TNS3: variants seen among roughly 807,000 people sequenced by gnomAD.
TNS3 encodes tensin-3.
Under a neutral mutation model 140.9 loss-of-function variants are expected in TNS3, and 45 were observed. That is an observed-to-expected ratio of 0.32 (90% CI 0.25 to 0.41). TNS3 has a LOEUF of 0.41. Among genes scored for constraint, TNS3 ranks in the 10% least tolerant of loss-of-function variants. TNS3 has a pLI of 1.00. For missense variants in TNS3, 1,716 were observed against 1,906.7 expected (o/e 0.90, Z 1.86); for synonymous variants, 815 against 788.4 (o/e 1.03, Z -0.56).
chr7:47,422,960 T>C (rs1465081729), intron 10 of TNS3, among the ~76,000 whole-genome samples: 1 of 152,054 alleles, frequency 6.6e-6, no homozygotes, highest in Non-Finnish European at 1.5e-5. Context: ...GCATTGCATG[T>C]GGGCCCTGTT....
rs140201792 is a variant in TNS3, at chr7:47,337,182, C to T, written c.2650+7573G>A. Among the ~76,000 whole-genome samples, 1,175 of 152,338 alleles carry T rather than the reference C, an allele frequency of 7.7e-3. 14 individuals carry two copies. The highest frequency in any genetic ancestry group is 0.025 in the African/African-American group (1,053 of 41,558). On this transcript the variant is annotated intron_variant, in intron 20 of 30. Coordinates refer to ENST00000311160, the MANE Select transcript of TNS3 (RefSeq NM_022748.12). ...TTTCCATCCACCAGATCCTTTTGCT[C>T]TATTCCTCGGTCATAAATCTCCAGC...
chr7:47,372,290 C>T (rs115788760), intron 16 of TNS3, among the ~76,000 whole-genome samples: 238 of 152,276 alleles, frequency 1.6e-3, no homozygotes, highest in African/African-American at 5.3e-3. Context: ...ACAGATTTCA[C>T]GCTGCTAAGT....
At chr7:47,408,859 G>A (rs531770428) in intron 13 of TNS3, among the ~76,000 whole-genome samples, 4 of 152,066 alleles carry the variant, frequency 2.6e-5, no homozygotes, top group East Asian at 1.9e-4. Context: ...CAACTCACAG[G>A]ACACGTCCAT....
chr7:47,482,866 G>C (rs1047267685), intron 3 of TNS3, among the ~76,000 whole-genome samples: 1 of 152,208 alleles, frequency 6.6e-6, no homozygotes, highest in African/African-American at 2.4e-5. Flanking sequence ...TGACATTCTG[G>C]AAAAGGCAAA....
At position 47,439,434 on chromosome 7, in the gene TNS3, C is replaced by A. The variant is rs1584662980; in HGVS notation, c.150+53G>T. On this transcript the variant is annotated intron_variant, in intron 6 of 30. Coordinates refer to ENST00000311160, the MANE Select transcript of TNS3 (RefSeq NM_022748.12). ...TGTTCTGTGAGTGCCCATCCCTACA[C>A]AGTGCCTGCTGCAGAGCCTGCCCAA... The A allele has an allele frequency of 1.9e-6, 3 of 1,593,248 alleles. No homozygotes were observed. The East Asian group carries it at 6.7e-5, about 36-fold the overall frequency.
intron 3 of TNS3, among the ~76,000 whole-genome samples, chr7:47,483,357 G>C (rs7784280): frequency 0.022 from 3,341 of 152,138 alleles, 69 homozygotes; most frequent in Admixed American, 0.048. Context: ...TTTTAGTAGA[G>C]ATGGGGTTTC....
At chr7:47,355,988 C>A (rs1384838859) in intron 17 of TNS3, among the ~76,000 whole-genome samples, 2 of 152,182 alleles carry the variant, frequency 1.3e-5, no homozygotes, top group Non-Finnish European at 2.9e-5. Context: ...GCCCACTCTG[C>A]CCTGGTGAAA....
chr7:47,431,014 C>T lies in TNS3; in HGVS notation c.325-2638G>A, dbSNP rs576626427. On this transcript the variant is annotated intron_variant, in intron 8 of 30. Coordinates refer to ENST00000311160, the MANE Select transcript of TNS3 (RefSeq NM_022748.12). ...CTGGGATCACAGGCATGAGCCACCG[C>T]GCCTGGCCTCAAGTATCATTTCTGA... Among the ~76,000 whole-genome samples, 7 of 152,150 alleles carry T rather than the reference C, an allele frequency of 4.6e-5. No homozygotes were observed. The East Asian group carries it at 5.8e-4, about 13-fold the overall frequency.
intron 13 of TNS3, among the ~76,000 whole-genome samples, chr7:47,402,061 G>A (rs1027367501): frequency 2.6e-5 from 4 of 152,122 alleles, no homozygotes; most frequent in African/African-American, 4.8e-5. Context: ...GGTATGATCC[G>A]GACCAGCATG....
chr7:47,325,974 G>A (rs1404252648), intron 20 of TNS3, among the ~76,000 whole-genome samples: 3 of 152,138 alleles, frequency 2.0e-5, no homozygotes, highest in African/African-American at 2.4e-5. Context: ...AGAACCATGC[G>A]GATTATCAGA....
Position 47,515,490 on chromosome 7 carries a change from C to T in TNS3, c.-152-8546G>A, listed in dbSNP as rs547313127. ...CATCATTGTCACCATTCATCAACAT[C>T]GTCACCATCACCATCATCATGTCAA... On this transcript the variant is annotated intron_variant, in intron 2 of 30. Coordinates refer to ENST00000311160, the MANE Select transcript of TNS3 (RefSeq NM_022748.12). 1.9e-3 allele frequency among the ~76,000 whole-genome samples: 292 copies of T among 152,218 alleles called. 2 individuals carry two copies. The highest frequency in any genetic ancestry group is 6.5e-3 in the African/African-American group (270 of 41,528).
At chr7:47,394,837 C>T (rs1416099330) in intron 16 of TNS3, among the ~76,000 whole-genome samples, 3 of 152,232 alleles carry the variant, frequency 2.0e-5, no homozygotes, top group Non-Finnish European at 4.4e-5. Flanking sequence ...CTTTCAGTTC[C>T]CTGGTTGTGA....
intron 4 of TNS3, among the ~76,000 whole-genome samples, chr7:47,475,332 C>T (rs1797148386): frequency 6.6e-6 from 1 of 152,240 alleles, no homozygotes; most frequent in East Asian, 1.9e-4. Flanking sequence ...ACCCCTCTTC[C>T]AGGGCCACAG....
Position 47,351,835 on chromosome 7 carries a change from G to T in TNS3, c.2282-5479C>A, listed in dbSNP as rs1450312655. ...GTCCGTGAAGAATGGACCACGCTAG[G>T]AGTGCTCCCTGGAGACTGGAGCTGC... is the stretch of plus-strand genomic sequence containing the variant. On this transcript the variant is annotated intron_variant, in intron 17 of 30. Coordinates refer to ENST00000311160, the MANE Select transcript of TNS3 (RefSeq NM_022748.12). Among the ~76,000 whole-genome samples, 5 of 152,194 alleles carry T rather than the reference G, an allele frequency of 3.3e-5. No individual in the cohort carries two copies. In the East Asian group the frequency reaches 9.7e-4, roughly 29 times the overall value.
At chr7:47,326,564 A>C (rs1376864018) in intron 20 of TNS3, among the ~76,000 whole-genome samples, 2 of 151,892 alleles carry the variant, frequency 1.3e-5, no homozygotes, top group African/African-American at 4.8e-5. Flanking sequence ...GCCCCAGCAG[A>C]AGACAGCACC....
chr7:47,439,071 G>T (rs1795331279), intron 6 of TNS3, among the ~76,000 whole-genome samples: 1 of 152,238 alleles, frequency 6.6e-6, no homozygotes, highest in African/African-American at 2.4e-5. Context: ...CTCCAGGGCA[G>T]CCCCTGGTTT....
chr7:47,298,537 A>T (rs569563045), intron 23 of TNS3, among the ~76,000 whole-genome samples: 1 of 152,326 alleles, frequency 6.6e-6, no homozygotes, highest in South Asian at 2.1e-4. Flanking sequence ...TCTTTATTTT[A>T]AAAAAGGGAA....
Position 47,428,325 on chromosome 7 carries a change from T to C in TNS3, c.376A>G (p.Asn126Asp), listed in dbSNP as rs1199299048. ...VVISSYMHFT[N>D]VSASADQALD... ...TCTTCATCCTACCTGGCTGAGACGT[T>C]GGTGAAATGCATGTAGGATGATATG... The change falls in exon 9 of 31, where the codon AAC becomes GAC. Residue 126 changes from asparagine (N) to aspartate (D), a missense_variant. Coordinates refer to ENST00000311160, the MANE Select transcript of TNS3 (RefSeq NM_022748.12). 3.0e-5 allele frequency: 43 copies of C among 1,447,096 alleles called. No homozygotes were observed. Among genetic ancestry groups the C allele is most frequent in the Non-Finnish European group, 3.9e-5 (43 of 1,094,050 alleles). 89.6% of individuals were successfully genotyped at this position (1,447,096 alleles called of 1,614,324 possible).
rs114848183 is a variant in TNS3, at chr7:47,406,744, A to T, written c.723+4983T>A. ...CCAAGCCATGACTGTTGCCAAAAGA[A>T]ATAAAACCACCTGCATATCTGAACT... On this transcript the variant is annotated intron_variant, in intron 13 of 30. Coordinates refer to ENST00000311160, the MANE Select transcript of TNS3 (RefSeq NM_022748.12). Among the ~76,000 whole-genome samples the T allele has an allele frequency of 6.3e-3, 959 of 152,316 alleles. 5 individuals carry two copies. Among genetic ancestry groups the T allele is most frequent in the African/African-American group, 0.021 (890 of 41,572 alleles).
Sources: gnomAD v4.1 joint callset for allele counts (sites outside exome capture counted in the v4.1 genomes callset) on GRCh38, gnomAD v4.1.1 for gene constraint, MANE v1.5 for transcripts, NCBI Gene and HGNC (gene_info 2026-07-23, HGNC 2026-07-21) for gene names.